Variants in ABCG8 observed in about 807,000 individuals in gnomAD.
The protein encoded by ABCG8 is ATP binding cassette subfamily G member 8, also known as ATP-binding cassette sub-family G member 8.
A neutral mutation model predicts 71.3 loss-of-function variants in ABCG8; 81 were observed. The observed-to-expected ratio is 1.14, with a 90% confidence interval of 0.95 to 1.37. The LOEUF (loss-of-function observed/expected upper bound fraction) is 1.37, where lower values mean the gene tolerates loss of function less well. Among genes scored for constraint, ABCG8 ranks in the 40% most tolerant of loss-of-function variants. ABCG8 has a pLI of 0.00. For missense variants in ABCG8, 1,119 were observed against 866.2 expected (o/e 1.29, Z -3.66); for synonymous variants, 451 against 354.7 (o/e 1.27, Z -3.05).
intron 2 of ABCG8, among the ~76,000 whole-genome samples, chr2:43,845,264 T>C (rs2104911504): frequency 6.6e-6 from 1 of 152,134 alleles, no homozygotes; most frequent in African/African-American, 2.4e-5. Context: ...GGGACCCAGA[T>C]GGGACATGGT....
intron 3 of ABCG8, among the ~76,000 whole-genome samples, chr2:43,849,935 C>G (rs1004539758): frequency 6.6e-6 from 1 of 152,168 alleles, no homozygotes; most frequent in East Asian, 1.9e-4. Flanking sequence ...CACGGTGGCT[C>G]ACGTCTGTCA....
At chr2:43,863,478 C>G (rs1453149883) in intron 6 of ABCG8, among the ~76,000 whole-genome samples, 1 of 148,908 alleles carries the variant, frequency 6.7e-6, no homozygotes, top group African/African-American at 2.5e-5. Flanking sequence ...AAAACTCTCA[C>G]TATCTTTCCG....
chr2:43,861,155 T>A (rs1208882955), intron 6 of ABCG8, among the ~76,000 whole-genome samples: 1 of 151,388 alleles, frequency 6.6e-6, no homozygotes, highest in African/African-American at 2.4e-5. Flanking sequence ...GAGCTCTCGC[T>A]ATCTGTCTGG....
At chr2:43,847,865 A>C (rs941302678) in intron 3 of ABCG8, 1 of 151,348 alleles carries the variant, frequency 6.6e-6, no homozygotes, top group Non-Finnish European at 1.5e-5. Flanking sequence ...GGTTCAAGCG[A>C]GTCTCATGTC....
chr2:43,851,553 G>A (rs368514874), intron 3 of ABCG8, 31 bp from the exon 4 acceptor site: 68 of 1,612,192 alleles, frequency 4.2e-5, no homozygotes, highest in Non-Finnish European at 5.0e-5. Context: ...CAGAAGCTCC[G>A]CTCTCAGGGA....
intron 2 of ABCG8, among the ~76,000 whole-genome samples, chr2:43,845,079 T>C (rs1404648870): frequency 7.9e-6 from 1 of 125,936 alleles, no homozygotes; most frequent in African/African-American, 3.3e-5. Context: ...GTTATATATA[T>C]ATGTGTGTGT....
intron 6 of ABCG8, among the ~76,000 whole-genome samples, chr2:43,859,564 ACT>A (rs1443528777): frequency 6.7e-6 from 1 of 150,190 alleles, no homozygotes; most frequent in African/African-American, 2.4e-5. Context: ...AAGAATTCTC[ACT>A]CTGTGGATAG....
Position 43,839,129 on chromosome 2 carries a change from TGG to T in ABCG8, c.63+15_63+16del, listed in dbSNP as rs781381103. 268 of 1,550,854 alleles carry T rather than the reference TGG, an allele frequency of 1.7e-4. No homozygotes were observed. Among genetic ancestry groups the T allele is most frequent in the Non-Finnish European group, 2.3e-4 (261 of 1,146,678 alleles). ...CCAGGATACCTCGGTGAGTGAGCAA[TGG>T]GAAGTCGGCCCAGGCCTGGTGGGCG... On this transcript the variant is annotated intron_variant, in intron 1 of 12. Coordinates refer to ENST00000272286, the MANE Select transcript of ABCG8 (RefSeq NM_022437.3).
Position 43,879,304 on chromosome 2 carries a change from G to C in ABCG8, c.*1391G>C, listed in dbSNP as rs905391049. On this transcript the variant is annotated 3_prime_UTR_variant, in exon 13 of 13. Coordinates refer to ENST00000272286, the MANE Select transcript of ABCG8 (RefSeq NM_022437.3). ...TTAGAGTTTAGAATCAAAAGAAGGG[G>C]AAGGTGCGTGTTTGGGAGGTAAATA... 3 of 152,298 alleles carry C rather than the reference G, an allele frequency of 2.0e-5. No homozygotes were observed. The highest frequency in any genetic ancestry group is 7.2e-5 in the African/African-American group (3 of 41,452). 9.4% of individuals were successfully genotyped at this position (152,298 alleles called of 1,614,324 possible).
chr2:43,878,916 G>C lies in ABCG8; in HGVS notation c.*1003G>C, dbSNP rs114655576. 6.6e-6 allele frequency: 1 copy of C among 152,162 alleles called. No individual in the cohort carries two copies. Among genetic ancestry groups the C allele is most frequent in the African/African-American group, 2.4e-5 (1 of 41,412 alleles). The allele number at this position is 152,162 out of a possible 1,614,324, so 9.4% of individuals were successfully genotyped here. On this transcript the variant is annotated 3_prime_UTR_variant, in exon 13 of 13. Coordinates refer to ENST00000272286, the MANE Select transcript of ABCG8 (RefSeq NM_022437.3). ...GAGTGAGTGAGTTCTGATGAGATCC[G>C]ACGGTTTTATAAGGGGCTTCCCTCT...
intron 6 of ABCG8, among the ~76,000 whole-genome samples, chr2:43,864,734 A>G (rs751747930): frequency 7.5e-4 from 114 of 151,686 alleles, no homozygotes; most frequent in Non-Finnish European, 1.1e-3. Flanking sequence ...AACTCTCACT[A>G]TCTGGATAGA....
intron 1 of ABCG8, among the ~76,000 whole-genome samples, chr2:43,843,405 G>T (rs1156783480): frequency 6.6e-6 from 1 of 152,142 alleles, no homozygotes; most frequent in Non-Finnish European, 1.5e-5. Context: ...GTAAAAAATG[G>T]AGGTCAGACG....
chr2:43,855,541 G>C (rs978074130), intron 6 of ABCG8, among the ~76,000 whole-genome samples: 1 of 150,660 alleles, frequency 6.6e-6, no homozygotes, highest in Non-Finnish European at 1.5e-5. Flanking sequence ...TAGAACTCTC[G>C]CTATCTTTGT....
At chr2:43,871,882 A>G in intron 6 of ABCG8, 94 bp from the exon 7 acceptor site, 1 of 1,563,594 alleles carries the variant, frequency 6.4e-7, no homozygotes. Flanking sequence ...ACGAGGGGTG[A>G]TCAGCATTGT....
intron 6 of ABCG8, among the ~76,000 whole-genome samples, chr2:43,857,513 C>T (rs1388775410): frequency 1.3e-5 from 2 of 151,618 alleles, no homozygotes; most frequent in Non-Finnish European, 3.0e-5. Context: ...AAAGAACCCT[C>T]ACTATCTATA....
At chr2:43,868,871 T>A (rs6752551) in intron 6 of ABCG8, among the ~76,000 whole-genome samples, 66,263 of 151,176 alleles carry the variant, frequency 0.44, 15,243 homozygotes, top group East Asian at 0.86. Context: ...TCAGATAGAA[T>A]TCTCCTCCTC....
At chr2:43,859,858 T>G (rs1669242682) in intron 6 of ABCG8, among the ~76,000 whole-genome samples, 2 of 151,556 alleles carry the variant, frequency 1.3e-5, no homozygotes, top group Admixed American at 6.6e-5. Flanking sequence ...GATAGAATTC[T>G]CACTCTCTGG....
chr2:43,844,624 G>A lies in ABCG8; in HGVS notation c.165+16G>A, dbSNP rs368992754. On this transcript the variant is annotated intron_variant, in intron 2 of 12. Transcript: ENST00000272286. ...CAACTACCAGGTAGAGGCACGCCTGGGTTCAAGGGGAGAGGAGCAGGCAGG... is the reference window on the plus strand; with the variant it reads ...CAACTACCAGGTAGAGGCACGCCTGAGTTCAAGGGGAGAGGAGCAGGCAGG... 1.3e-6 allele frequency: 2 copies of A among 1,593,478 alleles called. No homozygotes were observed. The highest frequency in any genetic ancestry group is 2.7e-5 in the African/African-American group (2 of 74,578).
At position 43,882,899 on chromosome 2, in the gene ABCG8, G is replaced by A. The variant is rs1298224465; in HGVS notation, c.*4986G>A. Reference sequence around the variant, plus strand: ...CTCACATCATTTGTATGATTGTCTCGTCTCTTTAAAATTGGAAATATTCTT... The same window carrying A: ...CTCACATCATTTGTATGATTGTCTCATCTCTTTAAAATTGGAAATATTCTT... On this transcript the variant is annotated 3_prime_UTR_variant, in exon 13 of 13. Transcript: ENST00000272286. 1 of 152,162 alleles carries A rather than the reference G, an allele frequency of 6.6e-6. No homozygotes were observed. Among genetic ancestry groups the A allele is most frequent in the Admixed American group, 6.5e-5 (1 of 15,272 alleles). 9.4% of individuals were successfully genotyped at this position (152,162 alleles called of 1,614,324 possible).
Sources: allele counts gnomAD v4.1 joint callset (sites outside exome capture counted in the v4.1 genomes callset), GRCh38; gene constraint gnomAD v4.1.1; transcripts MANE v1.5; gene names NCBI Gene and HGNC (gene_info 2026-07-23, HGNC 2026-07-21).